ARHGAP44: variants seen among roughly 807,000 people sequenced by gnomAD.
The protein encoded by ARHGAP44 is Rho GTPase activating protein 44.
A neutral mutation model predicts 106.8 loss-of-function variants in ARHGAP44; 43 were observed. The observed-to-expected ratio is 0.40, with a 90% CI of 0.32 to 0.52. The LOEUF is 0.52. Among genes scored for constraint, ARHGAP44 ranks in the 20% least tolerant of loss-of-function variants. The pLI, the probability that ARHGAP44 is intolerant of heterozygous loss-of-function variation, is 0.48. For synonymous variants in ARHGAP44, 439 were observed against 410.3 expected, an observed-to-expected ratio of 1.07 and a Z score of -0.85; for missense variants, 866 against 1,050.5, an observed-to-expected ratio of 0.82 and a Z score of 2.43.
chr17:12,973,422 G>A, intron 17 of ARHGAP44, 103 bp downstream of exon 17: 3 of 1,260,752 alleles, frequency 2.4e-6, no homozygotes, highest in Non-Finnish European at 3.4e-6. Flanking sequence ...GCCGCGTCTG[G>A]TTGCTTGGCC....
At chr17:12,959,383 A>C (rs2039204264) in intron 16 of ARHGAP44, among the ~76,000 whole-genome samples, 1 of 152,206 alleles carries the variant, frequency 6.6e-6, no homozygotes, top group Non-Finnish European at 1.5e-5. Flanking sequence ...AAATCCTTCT[A>C]GGTTTTTAAG....
At chr17:12,963,302 T>C (rs76047582) in intron 16 of ARHGAP44, among the ~76,000 whole-genome samples, 15,295 of 152,230 alleles carry the variant, frequency 0.1, 896 homozygotes, top group South Asian at 0.2. Context: ...GTTCTGGGAC[T>C]GCTGAGGCCA....
chr17:12,825,416 TTGTGTGTG>T (rs35243771), intron 1 of ARHGAP44, among the ~76,000 whole-genome samples: 2 of 148,082 alleles, frequency 1.4e-5, no homozygotes, highest in Non-Finnish European at 3.0e-5. Context: ...AGGAGTGTGT[TTGTGTGTG>T]TGTGTGTGTG....
intron 1 of ARHGAP44, among the ~76,000 whole-genome samples, chr17:12,889,705 C>T (rs1339219605): frequency 2.6e-5 from 4 of 152,150 alleles, no homozygotes; most frequent in Admixed American, 2.6e-4. Context: ...CCTCAAAAGT[C>T]CAGAATCTCA....
intron 1 of ARHGAP44, among the ~76,000 whole-genome samples, chr17:12,857,857 A>T (rs1290695866): frequency 1.3e-5 from 2 of 151,914 alleles, no homozygotes; most frequent in East Asian, 3.9e-4. Flanking sequence ...TAGTTAGCAG[A>T]TATCACTAGG....
chr17:12,909,666 A>T lies in ARHGAP44; in HGVS notation c.275+693A>T, dbSNP rs370695917. Among the ~76,000 whole-genome samples the T allele has an allele frequency of 7.2e-5, 11 of 152,162 alleles. No homozygotes were observed. The East Asian group carries it at 2.1e-3, about 29-fold the overall frequency. ...ATGAAGGGAATGAAGTGCAGAGATA[A>T]GGAGGTAGGCATTCTTAAACTGAGA... is the stretch of plus-strand genomic sequence containing the variant. On this transcript the variant is annotated intron_variant, in intron 4 of 20. Transcript: ENST00000379672.
At chr17:12,869,445 T>A (rs371780533) in intron 1 of ARHGAP44, among the ~76,000 whole-genome samples, 3 of 145,758 alleles carry the variant, frequency 2.1e-5, no homozygotes, top group African/African-American at 5.1e-5. Flanking sequence ...ATTTTTTTTT[T>A]ATTTTTACAA....
intron 16 of ARHGAP44, among the ~76,000 whole-genome samples, chr17:12,970,829 C>T (rs1244564561): frequency 6.6e-6 from 1 of 152,184 alleles, no homozygotes; most frequent in African/African-American, 2.4e-5. Context: ...AATAGATTCC[C>T]CTTCTTGGCA....
chr17:12,958,887 A>G lies in ARHGAP44; in HGVS notation c.1513A>G (p.Lys505Glu). 2 of 1,606,830 alleles carry G rather than the reference A, an allele frequency of 1.2e-6. No individual in the cohort carries two copies. Among genetic ancestry groups the G allele is most frequent in the South Asian group, 2.2e-5 (2 of 89,820 alleles). The change falls in exon 16 of 21, where the codon AAA becomes GAA. Residue 505 changes from lysine (K) to glutamate (E), a missense_variant. Physicochemically the swap from Lys to Glu is moderately conservative, Grantham distance 56. Coordinates refer to ENST00000379672, the MANE Select transcript of ARHGAP44 (RefSeq NM_014859.6). The surrounding 1 kb of genome is among the most constrained non-coding windows in gnomAD (Gnocchi z 4.1). ...ATDNMMLEFY[K>E]KDGLRKIQSM... is the part of the protein sequence containing the mutation. ...GGATAATATGATGCTGGAGTTTTACAAAAAGGATGGGTATGAACTGGTGTC... is the reference window on the plus strand; with the variant it reads ...GGATAATATGATGCTGGAGTTTTACGAAAAGGATGGGTATGAACTGGTGTC...
At chr17:12,973,962 G>C (rs28521555) in intron 17 of ARHGAP44, 127 bp from the exon 18 acceptor site, 11,392 of 1,030,350 alleles carry the variant, frequency 0.011, 109 homozygotes, top group African/African-American at 0.038. Flanking sequence ...ATCGCTTCCC[G>C]GGCCCCCGGG....
intron 1 of ARHGAP44, among the ~76,000 whole-genome samples, chr17:12,880,486 C>T (rs898460774): frequency 5.3e-5 from 8 of 152,008 alleles, no homozygotes; most frequent in Admixed American, 3.3e-4. Flanking sequence ...AAATGGTTAT[C>T]GTAATTTAAG....
In ARHGAP44 at chr17:12,974,286, T is replaced by TCCAGCCTGGGCCC; in HGVS notation, c.1740_1752dup (p.Glu585ProfsTer151). 6.8e-7 allele frequency: 1 copy of TCCAGCCTGGGCCC among 1,468,500 alleles called. No individual in the cohort carries two copies. Among genetic ancestry groups the TCCAGCCTGGGCCC allele is most frequent in the Non-Finnish European group, 9.0e-7 (1 of 1,115,990 alleles). The allele number at this position is 1,468,500 out of a possible 1,614,324, so 91.0% of individuals were successfully genotyped here. A position where few individuals can be genotyped will look rare whatever the true frequency, so the allele number is the denominator to read the frequency against. ...GCGCTCTCTCCATCCGGCCTGGGCC[T>TCCAGCCTGGGCCC]CCAGCCTGGGCCCGAGCGCACCAGG... On this transcript the variant is annotated frameshift_variant, in exon 18 of 21. Coordinates refer to ENST00000379672, the MANE Select transcript of ARHGAP44 (RefSeq NM_014859.6). LOFTEE classifies it high-confidence loss of function.
chr17:12,865,368 TA>T (rs2036206841), intron 1 of ARHGAP44, among the ~76,000 whole-genome samples: 1 of 152,252 alleles, frequency 6.6e-6, no homozygotes, highest in Non-Finnish European at 1.5e-5. Context: ...TGGAGTTTAT[TA>T]CTCTTGTAAC....
intron 20 of ARHGAP44, 151 bp from the exon 21 acceptor site, chr17:12,989,881 G>T: frequency 8.6e-7 from 1 of 1,158,244 alleles, no homozygotes; most frequent in Non-Finnish European, 1.2e-6. Context: ...CTGATCGACT[G>T]TGCAACACAA....
At chr17:12,952,143 C>T (rs1567705422) in intron 12 of ARHGAP44, among the ~76,000 whole-genome samples, 1 of 152,288 alleles carries the variant, frequency 6.6e-6, no homozygotes, top group South Asian at 2.1e-4. Context: ...TCTGTTTCCA[C>T]GCTGGAGTCA....
intron 1 of ARHGAP44, among the ~76,000 whole-genome samples, chr17:12,854,980 AAAG>A (rs1597946718): frequency 2.0e-5 from 3 of 150,928 alleles, no homozygotes; most frequent in African/African-American, 4.9e-5. Flanking sequence ...AAAAAAAAAA[AAAG>A]AAGCAGTGTC....
intron 12 of ARHGAP44, among the ~76,000 whole-genome samples, chr17:12,952,028 C>T (rs564886644): frequency 6.6e-6 from 1 of 152,258 alleles, no homozygotes; most frequent in Admixed American, 6.5e-5. Context: ...ATCCGGGGGC[C>T]ACAGGAGGAG....
At chr17:12,819,529 C>T (rs2034700052) in intron 1 of ARHGAP44, among the ~76,000 whole-genome samples, 1 of 151,142 alleles carries the variant, frequency 6.6e-6, no homozygotes, top group African/African-American at 2.4e-5. Flanking sequence ...ATCTGTACTC[C>T]CACCAGTTAT....
intron 1 of ARHGAP44, among the ~76,000 whole-genome samples, chr17:12,817,204 T>A (rs989612057): frequency 6.6e-6 from 1 of 152,050 alleles, no homozygotes; most frequent in Admixed American, 6.6e-5. Flanking sequence ...TTAAAAAGTA[T>A]TTAGAACTGA....
Sources: allele counts gnomAD v4.1 joint callset (sites outside exome capture counted in the v4.1 genomes callset), GRCh38; gene constraint gnomAD v4.1.1; non-coding constraint Gnocchi (gnomAD v3.1); transcripts MANE v1.5; gene names NCBI Gene and HGNC (gene_info 2026-07-23, HGNC 2026-07-21).